MPZL2: variants seen among roughly 807,000 people sequenced by gnomAD.
MPZL2 encodes myelin protein zero-like protein 2.
MPZL2 carries 32 observed loss-of-function variants against 24.5 expected under a neutral mutation model. That is an observed-to-expected ratio of 1.31 (90% CI 0.99 to 1.76). MPZL2 has a LOEUF of 1.76. MPZL2 is among the 40% of genes most tolerant of loss of function. The pLI is 0.00. For missense variants in MPZL2, 304 were observed against 274.9 expected, an observed-to-expected ratio of 1.11 and a Z score of -0.75; for synonymous variants, 92 against 97.9, an observed-to-expected ratio of 0.94 and a Z score of 0.36.
At chr11:118,256,488 A>G (rs563404866) in intron 5 of MPZL2, among the ~76,000 whole-genome samples, 2 of 152,152 alleles carry the variant, frequency 1.3e-5, no homozygotes, top group East Asian at 3.9e-4. Context: ...CGTCTCTACA[A>G]AAAGTACAAA....
At chr11:118,257,107 G>C (rs1311528371) in intron 5 of MPZL2, 131 bp downstream of exon 5, 10 of 579,920 alleles carry the variant, frequency 1.7e-5, no homozygotes, top group Non-Finnish European at 2.7e-5. Context: ...TTGTCTCCCT[G>C]ACCCAGCTCC....
chr11:118,257,362 T>A, intron 4 of MPZL2, 49 bp from the exon 5 acceptor site: 1 of 1,478,826 alleles, frequency 6.8e-7, no homozygotes, highest in Non-Finnish European at 9.4e-7. Flanking sequence ...AAGAAGCAAG[T>A]GGGTAAATCC....
chr11:118,256,478 C>T (rs757873938), intron 5 of MPZL2, among the ~76,000 whole-genome samples: 21 of 152,018 alleles, frequency 1.4e-4, no homozygotes, highest in Non-Finnish European at 2.1e-4. Context: ...GGGGAAACCC[C>T]GTCTCTACAA....
At chr11:118,262,402 A>C (rs771435536) in intron 3 of MPZL2, 36 bp downstream of exon 3, 1 of 1,602,426 alleles carries the variant, frequency 6.2e-7, no homozygotes, top group South Asian at 1.1e-5. Context: ...ACAAGCTCTC[A>C]TCCTTTCCAA....
Position 118,262,447 on chromosome 11 carries a change from C to G in MPZL2, c.427G>C (p.Val143Leu). 1 of 1,613,824 alleles carries G rather than the reference C, an allele frequency of 6.2e-7. No homozygotes were observed. Among genetic ancestry groups the G allele is most frequent in the East Asian group, 2.2e-5 (1 of 44,878 alleles). The change falls in exon 3 of 6, where the codon GTG (valine) becomes CTG (leucine). Residue 143 changes from valine to leucine, a missense_variant. Coordinates refer to ENST00000278937, the MANE Select transcript of MPZL2 (RefSeq NM_005797.4). The stretch of plus-strand genomic sequence containing the variant: ...TCCCTGCATAACCTACCAGTGTGCA[C>G]GACGCTGAGCCGGATCTCCCCTATC... ...GVIGEIRLSV[V>L]HTVRFSEIHF...
intron 4 of MPZL2, among the ~76,000 whole-genome samples, chr11:118,258,133 G>A (rs1427359901): frequency 2.0e-5 from 3 of 151,726 alleles, no homozygotes; most frequent in Admixed American, 6.6e-5. Context: ...AGCCATATAC[G>A]AAAACGAACT....
In MPZL2 at chr11:118,254,115, G is replaced by A. The variant is rs775016131; in HGVS notation, c.*1131C>T. On this transcript the variant is annotated 3_prime_UTR_variant, in exon 6 of 6. Coordinates refer to ENST00000278937, the MANE Select transcript of MPZL2 (RefSeq NM_005797.4). The stretch of plus-strand genomic sequence containing the variant: ...CTTATAAAGTTTGCTTTATCTACCA[G>A]TATGGGGGAAAAAAAGAATAAAGTT... 2 of 152,038 alleles carry A rather than the reference G, an allele frequency of 1.3e-5. No individual in the cohort carries two copies. The highest frequency in any genetic ancestry group is 2.9e-5 in the Non-Finnish European group (2 of 67,972). The allele number at this position is 152,038 out of a possible 1,614,324, so 9.4% of individuals were successfully genotyped here. A position where few individuals can be genotyped will look rare whatever the true frequency, so the allele number is the denominator to read the frequency against.
Position 118,262,971 on chromosome 11 carries a change from GT to G in MPZL2, c.184del (p.Thr62ProfsTer7). ...FAPVGDALTV[T>X]WNFRPLDGGP... ...CCCGTCTAGAGGACGAAAATTCCAG[GT>G]CACTGTTAGAGCATCACCCACAGGG... On this transcript the variant is annotated frameshift_variant, in exon 2 of 6. Coordinates refer to ENST00000278937, the MANE Select transcript of MPZL2 (RefSeq NM_005797.4). LOFTEE classifies it high-confidence loss of function. 6.2e-7 allele frequency: 1 copy of G among 1,614,132 alleles called. No individual in the cohort carries two copies.
At chr11:118,263,222 C>T in intron 1 of MPZL2, 125 bp from the exon 2 acceptor site, 5 of 1,010,320 alleles carry the variant, frequency 4.9e-6, no homozygotes, top group Non-Finnish European at 7.2e-6. Flanking sequence ...GATGCCCCAT[C>T]TCCCAAACTT....
Position 118,262,525 on chromosome 11 carries a change from C to T in MPZL2, c.349G>A (p.Asp117Asn), listed in dbSNP as rs1949707115. ...SILLWKLQFD[D>N]NGTYTCQVKN... is the part of the protein sequence containing the mutation. ...ACCTGGCAGGTGTATGTCCCATTGT[C>T]GTCGAACTGCAGTTTCCAGAGAAGG... The change falls in exon 3 of 6, where the codon GAC becomes AAC. Residue 117 changes from aspartate (D) to asparagine (N), a missense_variant. By Grantham distance (23) the Asp-to-Asn change is conservative (BLOSUM62 1). Coordinates refer to ENST00000278937, the MANE Select transcript of MPZL2 (RefSeq NM_005797.4). 9 of 1,614,156 alleles carry T rather than the reference C, an allele frequency of 5.6e-6. No homozygotes were observed. The highest frequency in any genetic ancestry group is 1.3e-5 in the African/African-American group (1 of 75,026).
At chr11:118,258,789 ACT>A (rs990518250) in intron 4 of MPZL2, among the ~76,000 whole-genome samples, 1 of 151,624 alleles carries the variant, frequency 6.6e-6, no homozygotes, top group East Asian at 1.9e-4. Context: ...CCTCCCCCCA[ACT>A]CTCTCACTTT....
chr11:118,259,802 C>A (rs1459653797), intron 4 of MPZL2: 8 of 362,354 alleles, frequency 2.2e-5, no homozygotes, highest in Non-Finnish European at 4.0e-5. Context: ...AAAAGCTTTA[C>A]ATAGCACATT....
At chr11:118,258,616 A>G (rs1194275924) in intron 4 of MPZL2, among the ~76,000 whole-genome samples, 1 of 152,168 alleles carries the variant, frequency 6.6e-6, no homozygotes, top group Non-Finnish European at 1.5e-5. Context: ...TAGTTTGGGT[A>G]TTTGTCCCCG....
At chr11:118,259,988 C>T (rs1949688238) in intron 4 of MPZL2, 66 bp downstream of exon 4, 1 of 1,572,378 alleles carries the variant, frequency 6.4e-7, no homozygotes, top group Admixed American at 1.7e-5. Context: ...AACTATTTAG[C>T]CCACTGCAAA....
chr11:118,254,451 T>C lies in MPZL2; in HGVS notation c.*795A>G, dbSNP rs1417529490. 1 of 152,204 alleles carries C rather than the reference T, an allele frequency of 6.6e-6. No homozygotes were observed. Among genetic ancestry groups the C allele is most frequent in the Non-Finnish European group, 1.5e-5 (1 of 68,026 alleles). The allele number at this position is 152,204 out of a possible 1,614,324, so 9.4% of individuals were successfully genotyped here. A position where few individuals can be genotyped will look rare whatever the true frequency, so the allele number is the denominator to read the frequency against. ...AGATCATTGAATTGGGGGGGAAACATAGTAAGCTAAACTATCCGTCACTGC... is the reference window on the plus strand; with the variant it reads ...AGATCATTGAATTGGGGGGGAAACACAGTAAGCTAAACTATCCGTCACTGC... On this transcript the variant is annotated 3_prime_UTR_variant, in exon 6 of 6. Coordinates refer to ENST00000278937, the MANE Select transcript of MPZL2 (RefSeq NM_005797.4).
At chr11:118,256,601 G>C (rs114106929) in intron 5 of MPZL2, among the ~76,000 whole-genome samples, 7,256 of 152,134 alleles carry the variant, frequency 0.048, 586 homozygotes, top group African/African-American at 0.16. Flanking sequence ...AGTGACCCGA[G>C]ATCGCACCAC....
rs1159997231 is a variant in MPZL2 at position 118,257,285 on chromosome 11, T to G, written c.613A>C (p.Lys205Gln). The G allele has an allele frequency of 1.9e-6, 3 of 1,612,206 alleles. No homozygotes were observed. Among genetic ancestry groups the G allele is most frequent in the Non-Finnish European group, 2.5e-6 (3 of 1,179,104 alleles). The change falls in exon 5 of 6, where the codon AAA (lysine) becomes CAA (glutamine). Residue 205 changes from lysine (K) to glutamine (Q), a missense_variant. Physicochemically the swap from Lys to Gln is moderately conservative, Grantham distance 53. Coordinates refer to ENST00000278937, the MANE Select transcript of MPZL2 (RefSeq NM_005797.4). ...TCTTCTAAATAAACAGAGACCTTTTTCTCTTGGTTGAGCCTTTCCTCTTCT... is the reference window on the plus strand; with the variant it reads ...TCTTCTAAATAAACAGAGACCTTTTGCTCTTGGTTGAGCCTTTCCTCTTCT... Reference protein sequence around the residue: ...SKEEERLNQEKKVSVYLEDTD With the variant: ...SKEEERLNQEQKVSVYLEDTD
intron 5 of MPZL2, 40 bp downstream of exon 5, chr11:118,257,198 G>A (rs1591503931): frequency 1.4e-6 from 2 of 1,464,190 alleles, no homozygotes; most frequent in East Asian, 4.6e-5. Context: ...GGACATGTCA[G>A]AAAGCTGAAG....
In MPZL2 at chr11:118,254,172, T is replaced by C. The variant is rs1949648190; in HGVS notation, c.*1074A>G. On this transcript the variant is annotated 3_prime_UTR_variant, in exon 6 of 6. Transcript: ENST00000278937. ...ATTCCATTTAAAGTAGTTTTGGTAT[T>C]TCTTTGCTCCATACCAAAGTCTTCC... 1 of 152,166 alleles carries C rather than the reference T, an allele frequency of 6.6e-6. No homozygotes were observed. Among genetic ancestry groups the C allele is most frequent in the Non-Finnish European group, 1.5e-5 (1 of 68,012 alleles). 9.4% of individuals were successfully genotyped at this position (152,166 alleles called of 1,614,324 possible). A position where few individuals can be genotyped will look rare whatever the true frequency, so the allele number is the denominator to read the frequency against.
Sources: allele counts gnomAD v4.1 joint callset (sites outside exome capture counted in the v4.1 genomes callset), GRCh38; gene constraint gnomAD v4.1.1; transcripts MANE v1.5; gene names NCBI Gene and HGNC (gene_info 2026-07-23, HGNC 2026-07-21).